The following ATP2B2 variants were observed in gnomAD, a reference collection of about 807,000 sequenced individuals.
The protein encoded by ATP2B2 is plasma membrane calcium-transporting ATPase 2.
ATP2B2 carries 15 observed loss-of-function variants against 120.0 expected under a neutral mutation model. The observed-to-expected ratio is 0.12, with a 90% confidence interval of 0.08 to 0.19. The LOEUF (loss-of-function observed/expected upper bound fraction) is 0.19, where lower values mean the gene tolerates loss of function less well. Among genes scored for constraint, ATP2B2 ranks in the 10% least tolerant of loss-of-function variants. ATP2B2 has a pLI of 1.00. For synonymous variants in ATP2B2, 694 were observed against 700.3 expected, an observed-to-expected ratio of 0.99 and a Z score of 0.14; for missense variants, 1,045 against 1,719.8, an observed-to-expected ratio of 0.61 and a Z score of 6.94.
chr3:10,434,183 T>C (rs1331500048), intron 2 of ATP2B2, among the ~76,000 whole-genome samples: 1 of 152,254 alleles, frequency 6.6e-6, no homozygotes, highest in Non-Finnish European at 1.5e-5. Context: ...AACTTAAACA[T>C]GATCATCATT....
In ATP2B2 at chr3:10,385,506, C is replaced by T. The variant is rs725027; in HGVS notation, c.941-179G>A. On this transcript the variant is annotated intron_variant, in intron 7 of 22. Coordinates refer to ENST00000360273, the MANE Select transcript of ATP2B2 (RefSeq NM_001001331.4). ...GGGGTGAAATGTTCCATAGAGATGCCGCAGAGGTTGAGGGGAGAAACTCAG... is the reference window on the plus strand; with the variant it reads ...GGGGTGAAATGTTCCATAGAGATGCTGCAGAGGTTGAGGGGAGAAACTCAG... Among the ~76,000 whole-genome samples the T allele has an allele frequency of 0.51, 77,027 of 151,964 alleles. 21,585 individuals are homozygous for T. Among genetic ancestry groups the T allele is most frequent in the East Asian group, 0.97 (5,039 of 5,184 alleles).
chr3:10,654,672 G>C (rs1343486970), intron 1 of ATP2B2, among the ~76,000 whole-genome samples: 1 of 152,068 alleles, frequency 6.6e-6, no homozygotes, highest in Non-Finnish European at 1.5e-5. Context: ...GGTCCCAGGA[G>C]GAAAGTGGTA....
At chr3:10,664,181 C>T (rs9850028) in intron 1 of ATP2B2, among the ~76,000 whole-genome samples, 33,388 of 151,852 alleles carry the variant, frequency 0.22, 6,138 homozygotes, top group African/African-American at 0.5. Flanking sequence ...GCTCCAGAGC[C>T]GGCACCCTGC....
chr3:10,362,224 C>T (rs1370292036), intron 12 of ATP2B2, among the ~76,000 whole-genome samples: 1 of 152,238 alleles, frequency 6.6e-6, no homozygotes, highest in Admixed American at 6.5e-5. Flanking sequence ...CAGTCTCCCT[C>T]ATATTACCCA....
chr3:10,340,164 G>A lies in ATP2B2; in HGVS notation c.3237+78C>T. On this transcript the variant is annotated intron_variant, in intron 21 of 22. Transcript: ENST00000360273. This position sits in a 1 kb window ranked among gnomAD's most constrained non-coding sequence, Gnocchi z 5.0. ...CCTGGGGTCTGGCAGCCCATTCCTGGGGGTCCTGGATTCTCCATCCAGTGC... is the reference window on the plus strand; with the variant it reads ...CCTGGGGTCTGGCAGCCCATTCCTGAGGGTCCTGGATTCTCCATCCAGTGC... 7.1e-7 allele frequency: 1 copy of A among 1,405,928 alleles called. No individual in the cohort carries two copies. The highest frequency in any genetic ancestry group is 1.0e-6 in the Non-Finnish European group (1 of 1,001,186). The allele number at this position is 1,405,928 out of a possible 1,614,324, so 87.1% of individuals were successfully genotyped here. A position where few individuals can be genotyped will look rare whatever the true frequency, so the allele number is the denominator to read the frequency against.
chr3:10,559,733 G>A (rs932770992), intron 2 of ATP2B2, among the ~76,000 whole-genome samples: 6 of 152,182 alleles, frequency 3.9e-5, no homozygotes, highest in African/African-American at 1.4e-4. Context: ...GGCTCCTCAA[G>A]ATTTATCTTG....
Position 10,492,245 on chromosome 3 carries a change from C to T in ATP2B2, c.-320+13220G>A, listed in dbSNP as rs374867961. On this transcript the variant is annotated intron_variant, in intron 1 of 22. Transcript: ENST00000360273. ...GCTGGGGGAGAAGCTGGGGGCTTTT[C>T]GGGGGGTGGGGCAGGTAAGCACCAG... 2.1e-4 allele frequency among the ~76,000 whole-genome samples: 31 copies of T among 144,962 alleles called. 1 individual carries two copies. Among genetic ancestry groups the T allele is most frequent in the African/African-American group, 7.2e-4 (28 of 38,704 alleles).
At position 10,342,831 on chromosome 3, in the gene ATP2B2, G is replaced by A. The variant is rs887541083; in HGVS notation, c.2838C>T (p.Leu946=). 3.7e-6 allele frequency: 6 copies of A among 1,614,168 alleles called. No homozygotes were observed. Among genetic ancestry groups the A allele is most frequent in the Non-Finnish European group, 5.1e-6 (6 of 1,180,024 alleles). ...TGTTCTTCATCATGGTCCTGGAGAT[G>A]AGCGGCTTGTTGCGGCCGTACGGCT... ...LRKPYGRNKP[L]ISRTMMKNIL... is the part of the protein sequence containing the mutation. Residue 946 remains leucine (L), a synonymous_variant, in exon 19 of 23, where the codon CTC becomes CTT. Coordinates refer to ENST00000360273, the MANE Select transcript of ATP2B2 (RefSeq NM_001001331.4). The surrounding 1 kb of genome is among the most constrained non-coding windows in gnomAD (Gnocchi z 4.4).
intron 1 of ATP2B2, among the ~76,000 whole-genome samples, chr3:10,631,855 T>A (rs1356856343): frequency 6.6e-6 from 1 of 152,260 alleles, no homozygotes; most frequent in African/African-American, 2.4e-5. Flanking sequence ...TTGCTGCTAA[T>A]TTCCCAGTTT....
At chr3:10,494,020 G>A (rs2066039179) in intron 1 of ATP2B2, among the ~76,000 whole-genome samples, 1 of 152,186 alleles carries the variant, frequency 6.6e-6, no homozygotes, top group Non-Finnish European at 1.5e-5. Context: ...GGTAGGGTGG[G>A]GACAGGCACT....
chr3:10,592,128 T>A (rs745372446), intron 2 of ATP2B2, among the ~76,000 whole-genome samples: 1 of 152,192 alleles, frequency 6.6e-6, no homozygotes, highest in African/African-American at 2.4e-5. Flanking sequence ...TGGTAAGGAC[T>A]TGATCCTTCT....
chr3:10,398,038 A>G (rs1437139674), intron 5 of ATP2B2, among the ~76,000 whole-genome samples: 1 of 152,120 alleles, frequency 6.6e-6, no homozygotes, highest in African/African-American at 2.4e-5. Flanking sequence ...AGGCTTGCCA[A>G]GGAGCTTCAC....
chr3:10,695,069 C>T (rs867759714), intron 1 of ATP2B2, among the ~76,000 whole-genome samples: 1 of 152,102 alleles, frequency 6.6e-6, no homozygotes, highest in African/African-American at 2.4e-5. Context: ...AATGACACTG[C>T]TGTATGAGTC....
intron 3 of ATP2B2, among the ~76,000 whole-genome samples, chr3:10,530,024 A>G (rs1195340692): frequency 6.6e-6 from 1 of 152,314 alleles, no homozygotes; most frequent in East Asian, 1.9e-4. Context: ...TTGGACTCCT[A>G]GTCTCCAGAA....
chr3:10,590,043 A>T (rs1438406717), intron 2 of ATP2B2, among the ~76,000 whole-genome samples: 1 of 152,224 alleles, frequency 6.6e-6, no homozygotes, highest in Non-Finnish European at 1.5e-5. Context: ...GGACGATGAG[A>T]TGAATGGATA....
At chr3:10,583,946 G>T (rs1016118236) in intron 2 of ATP2B2, among the ~76,000 whole-genome samples, 1 of 152,246 alleles carries the variant, frequency 6.6e-6, no homozygotes, top group Non-Finnish European at 1.5e-5. Flanking sequence ...GACCCTGACA[G>T]CAGCTCCTTG....
At chr3:10,644,269 T>C (rs2070254010) in intron 1 of ATP2B2, among the ~76,000 whole-genome samples, 1 of 152,194 alleles carries the variant, frequency 6.6e-6, no homozygotes, top group South Asian at 2.1e-4. Flanking sequence ...AGAAAAGTTT[T>C]GGCAAGGGTG....
At chr3:10,409,313 T>A (rs758102540) in intron 3 of ATP2B2, among the ~76,000 whole-genome samples, 2 of 152,266 alleles carry the variant, frequency 1.3e-5, no homozygotes, top group Non-Finnish European at 2.9e-5. Flanking sequence ...TTCCTCCTTG[T>A]TGATAATTTG....
In ATP2B2 at chr3:10,704,076, C is replaced by T. The variant is rs1010525514; in HGVS notation, c.-460+3839G>A. Among the ~76,000 whole-genome samples the T allele has an allele frequency of 5.3e-5, 8 of 152,340 alleles. No homozygotes were observed. In the East Asian group the frequency reaches 1.5e-3, roughly 29 times the overall value. ...TCCCCTCACTCCCTCTGCCTCCTGA[C>T]TGACCCTAGGGCTTCCCCATGTGGC... On this transcript the variant is annotated intron_variant, in intron 1 of 21. Coordinates refer to the ATP2B2 transcript ENST00000646379.
Sources: allele counts gnomAD v4.1 joint callset (sites outside exome capture counted in the v4.1 genomes callset), GRCh38; gene constraint gnomAD v4.1.1; non-coding constraint Gnocchi (gnomAD v3.1); transcripts MANE v1.5; gene names NCBI Gene and HGNC (gene_info 2026-07-23, HGNC 2026-07-21).